Variants in SLC24A2 observed in about 807,000 individuals in gnomAD.
SLC24A2 encodes the protein solute carrier family 24 member 2, also known as sodium/potassium/calcium exchanger 2.
A neutral mutation model predicts 62.0 loss-of-function variants in SLC24A2; 36 were observed. The observed-to-expected ratio is 0.58, with a 90% CI of 0.44 to 0.77. The LOEUF (loss-of-function observed/expected upper bound fraction) is 0.77, where lower values mean the gene tolerates loss of function less well. Among genes scored for constraint, SLC24A2 ranks in the 30% least tolerant of loss-of-function variants. The pLI is 0.00. For synonymous variants in SLC24A2, 358 were observed against 294.0 expected, an observed-to-expected ratio of 1.22 and a Z score of -2.23; for missense variants, 846 against 817.9, an observed-to-expected ratio of 1.03 and a Z score of -0.42.
the SLC24A2 span, among the ~76,000 whole-genome samples, chr9:20,075,849 T>C: frequency 1.3e-5 from 2 of 152,164 alleles, no homozygotes; most frequent in South Asian, 2.1e-4. Flanking sequence ...TCGGCATCCA[T>C]GAGGAATTGG....
At chr9:20,009,642 C>T in the SLC24A2 span, among the ~76,000 whole-genome samples, 1 of 152,234 alleles carries the variant, frequency 6.6e-6, no homozygotes, top group African/African-American at 2.4e-5. Flanking sequence ...TCAGTAATGA[C>T]CAGAGAAAGG....
chr9:20,073,071 T>C, the SLC24A2 span, among the ~76,000 whole-genome samples: 3 of 152,190 alleles, frequency 2.0e-5, no homozygotes, highest in African/African-American at 7.2e-5. Context: ...ATGCTATGAC[T>C]GAAAACAATA....
At chr9:19,930,924 G>T in the SLC24A2 span, among the ~76,000 whole-genome samples, 2 of 152,080 alleles carry the variant, frequency 1.3e-5, no homozygotes, top group Non-Finnish European at 2.9e-5. Context: ...TAATTTTACT[G>T]CATCCCACAA....
the SLC24A2 span, among the ~76,000 whole-genome samples, chr9:20,187,696 C>T: frequency 6.6e-6 from 1 of 152,234 alleles, no homozygotes; most frequent in Non-Finnish European, 1.5e-5. Flanking sequence ...CATTCCCTCT[C>T]CTTCTCCCAT....
the SLC24A2 span, among the ~76,000 whole-genome samples, chr9:20,280,143 G>T: frequency 6.6e-6 from 1 of 152,332 alleles, no homozygotes; most frequent in Admixed American, 6.5e-5. Context: ...TTTATTAGGG[G>T]AGTGGGCTTG....
chr9:19,515,905 A>G lies in SLC24A2; in HGVS notation c.*248T>C. 1 of 501,192 alleles carries G rather than the reference A, an allele frequency of 2.0e-6. No homozygotes were observed. Among genetic ancestry groups the G allele is most frequent in the Non-Finnish European group, 3.6e-6 (1 of 275,328 alleles). 31.0% of individuals were successfully genotyped at this position (501,192 alleles called of 1,614,324 possible). A position where few individuals can be genotyped will look rare whatever the true frequency, so the allele number is the denominator to read the frequency against. Reference sequence around the variant, plus strand: ...AGCGAGGTGTACTTGTCAGTGGTGAATAGGGAGAAGCCCTGTATTGACGGT... The same window carrying G: ...AGCGAGGTGTACTTGTCAGTGGTGAGTAGGGAGAAGCCCTGTATTGACGGT... On this transcript the variant is annotated 3_prime_UTR_variant, in exon 11 of 11. Coordinates refer to ENST00000341998, the MANE Select transcript of SLC24A2 (RefSeq NM_020344.4).
the SLC24A2 span, among the ~76,000 whole-genome samples, chr9:20,305,980 T>G: frequency 6.6e-6 from 1 of 152,206 alleles, no homozygotes; most frequent in Non-Finnish European, 1.5e-5. Context: ...CTGTGTCCTT[T>G]TTTTAAGGAT....
chr9:20,052,222 T>C, the SLC24A2 span, among the ~76,000 whole-genome samples: 1 of 152,186 alleles, frequency 6.6e-6, no homozygotes, highest in African/African-American at 2.4e-5. Context: ...CTCATCTCAG[T>C]AAACAGCATT....
At chr9:20,296,195 A>G in the SLC24A2 span, among the ~76,000 whole-genome samples, 23 of 152,262 alleles carry the variant, frequency 1.5e-4, no homozygotes, top group Non-Finnish European at 2.5e-4. Flanking sequence ...TACGAAATGT[A>G]TAGACCACAA....
chr9:20,070,930 C>T, the SLC24A2 span, among the ~76,000 whole-genome samples: 29 of 152,186 alleles, frequency 1.9e-4, no homozygotes, highest in African/African-American at 6.0e-4. Flanking sequence ...AGGTGGGGCC[C>T]GGTGGGAGGT....
chr9:20,031,989 A>G, the SLC24A2 span, among the ~76,000 whole-genome samples: 4 of 152,212 alleles, frequency 2.6e-5, no homozygotes, highest in South Asian at 4.1e-4. Context: ...GAGGGACACA[A>G]TTCAGATCTT....
chr9:19,690,771 A>G (rs901218880), intron 2 of SLC24A2, among the ~76,000 whole-genome samples: 13 of 152,110 alleles, frequency 8.5e-5, no homozygotes, highest in African/African-American at 3.1e-4. Flanking sequence ...TCTGGTTCCA[A>G]ATCCTTTTCC....
At chr9:19,604,214 T>C (rs1044286485) in intron 4 of SLC24A2, among the ~76,000 whole-genome samples, 1 of 152,212 alleles carries the variant, frequency 6.6e-6, no homozygotes, top group Non-Finnish European at 1.5e-5. Context: ...TTCCACAGCT[T>C]CAACTATTCT....
chr9:20,112,961 A>G, the SLC24A2 span, among the ~76,000 whole-genome samples: 1 of 152,076 alleles, frequency 6.6e-6, no homozygotes, highest in South Asian at 2.1e-4. Context: ...GGGCTGGAAA[A>G]AACAAAGACA....
rs1173291239 is a variant in SLC24A2 at position 19,521,058 on chromosome 9, A to C, written c.1572T>G (p.Val524=). 1.2e-6 allele frequency: 2 copies of C among 1,613,916 alleles called. No individual in the cohort carries two copies. Among genetic ancestry groups the C allele is most frequent in the Admixed American group, 3.3e-5 (2 of 60,002 alleles). Residue 524 remains valine (V), a splice_region_variant and synonymous_variant, in exon 10 of 11, where the codon GTT becomes GTG. Transcript: ENST00000341998. ...SYLMVWWAHQ[V]GETIGISEEI... ...CTTCACTGATGCCAATTGTCTCTCCAACCTAAATGTCAGGACAGGAATAAA... is the reference window on the plus strand; with the variant it reads ...CTTCACTGATGCCAATTGTCTCTCCCACCTAAATGTCAGGACAGGAATAAA...
At chr9:19,750,072 T>C (rs991524360) in intron 2 of SLC24A2, among the ~76,000 whole-genome samples, 2 of 152,162 alleles carry the variant, frequency 1.3e-5, no homozygotes, top group Admixed American at 6.5e-5. Flanking sequence ...GGAGAATCAG[T>C]TGCTGGACAC....
intron 5 of SLC24A2, among the ~76,000 whole-genome samples, chr9:19,588,838 G>T (rs184656512): frequency 6.6e-6 from 1 of 152,148 alleles, no homozygotes; most frequent in Non-Finnish European, 1.5e-5. Context: ...GCGCCTGCCT[G>T]TAATCCCAGC....
At chr9:19,718,252 G>T (rs1461143298) in intron 2 of SLC24A2, among the ~76,000 whole-genome samples, 3 of 147,750 alleles carry the variant, frequency 2.0e-5, no homozygotes, top group African/African-American at 7.6e-5. Context: ...TGGGATTACA[G>T]GCTTAAGCTA....
At position 19,785,764 on chromosome 9, in the gene SLC24A2, A is replaced by G. The variant is rs576621313; in HGVS notation, c.930+173T>C. 7.9e-5 allele frequency among the ~76,000 whole-genome samples: 12 copies of G among 152,330 alleles called. No individual in the cohort carries two copies. In the East Asian group the frequency reaches 2.1e-3, roughly 27 times the overall value. ...AGTAAACATCTGCAAGAATACCCCA[A>G]AATTATTTTTTCCACTGCTATGTTA... On this transcript the variant is annotated intron_variant, in intron 2 of 10. Coordinates refer to ENST00000341998, the MANE Select transcript of SLC24A2 (RefSeq NM_020344.4).
Sources: allele counts gnomAD v4.1 joint callset (sites outside exome capture counted in the v4.1 genomes callset), GRCh38; gene constraint gnomAD v4.1.1; transcripts MANE v1.5; gene names NCBI Gene and HGNC (gene_info 2026-07-23, HGNC 2026-07-21).